CTNND2: variants seen among roughly 807,000 people sequenced by gnomAD.
CTNND2 encodes the protein catenin delta-2.
In CTNND2, 22 loss-of-function variants were observed where a neutral mutation model predicts 144.4. The observed-to-expected ratio is 0.15, with a 90% confidence interval of 0.11 to 0.22. The LOEUF (loss-of-function observed/expected upper bound fraction) is 0.22. Ranked by LOEUF, CTNND2 falls within the 10% of genes least tolerant of loss-of-function variation. The probability of loss-of-function intolerance (pLI) is 1.00; values close to 1 mark genes in which losing one functional copy is unlikely to be tolerated. For synonymous variants in CTNND2, 751 were observed against 695.6 expected (o/e 1.08, Z -1.25); for missense variants, 1,353 against 1,618.8 (o/e 0.84, Z 2.82).
chr5:11,792,612 G>A (rs1791194701), intron 1 of CTNND2, among the ~76,000 whole-genome samples: 1 of 152,174 alleles, frequency 6.6e-6, no homozygotes, highest in African/African-American at 2.4e-5. Flanking sequence ...AGCACATCAA[G>A]GCCGATGAAT....
chr5:11,552,977 T>C lies in CTNND2; in HGVS notation c.287+11967A>G, dbSNP rs569673382. Among the ~76,000 whole-genome samples, 27 of 152,352 alleles carry C rather than the reference T, an allele frequency of 1.8e-4. 1 individual carries two copies. In the South Asian group the frequency reaches 5.4e-3, roughly 30 times the overall value. The stretch of plus-strand genomic sequence containing the variant: ...TGGATATGATGGAGACACAAATGCC[T>C]TTCTACTCCTCGTCATATTTATACA... On this transcript the variant is annotated intron_variant, in intron 3 of 21. Coordinates refer to ENST00000304623, the MANE Select transcript of CTNND2 (RefSeq NM_001332.4).
At chr5:11,839,168 A>G (rs1312097116) in intron 1 of CTNND2, among the ~76,000 whole-genome samples, 1 of 151,996 alleles carries the variant, frequency 6.6e-6, no homozygotes, top group Non-Finnish European at 1.5e-5. Context: ...AGTGGTACAG[A>G]TGGACATTTG....
intron 3 of CTNND2, among the ~76,000 whole-genome samples, chr5:11,561,154 C>T (rs889553463): frequency 2.6e-5 from 4 of 152,106 alleles, no homozygotes; most frequent in Non-Finnish European, 5.9e-5. Context: ...TTAGGGCTGG[C>T]TACTACCAAG....
chr5:11,208,747 T>C (rs1341995183), intron 10 of CTNND2, among the ~76,000 whole-genome samples: 1 of 152,192 alleles, frequency 6.6e-6, no homozygotes. Flanking sequence ...CTAAGGTTGA[T>C]ACAAAAGCCA....
rs528561350 is a variant in CTNND2 at position 11,641,651 on chromosome 5, C to T, written c.175-76595G>A. On this transcript the variant is annotated intron_variant, in intron 2 of 21. Transcript: ENST00000304623. ...ATATACGTGTGTGTATATACATATA[C>T]GTGTGTATATACATATACGTGTGTA... 6.8e-4 allele frequency among the ~76,000 whole-genome samples: 79 copies of T among 117,004 alleles called. 2 individuals carry two copies. The highest frequency in any genetic ancestry group is 2.6e-3 in the African/African-American group (67 of 25,692). The allele number at this position is 117,004 out of a possible 152,430, so 76.8% of individuals were successfully genotyped here. A position where few individuals can be genotyped will look rare whatever the true frequency, so the allele number is the denominator to read the frequency against.
At chr5:11,107,055 A>G (rs1256495113) in intron 14 of CTNND2, among the ~76,000 whole-genome samples, 1 of 152,212 alleles carries the variant, frequency 6.6e-6, no homozygotes, top group African/African-American at 2.4e-5. Context: ...CAGTGGAAAT[A>G]CACTTACTAA....
At chr5:11,857,635 G>T (rs1441609316) in intron 1 of CTNND2, among the ~76,000 whole-genome samples, 1 of 152,122 alleles carries the variant, frequency 6.6e-6, no homozygotes, top group African/African-American at 2.4e-5. Flanking sequence ...AAGCAGAAGA[G>T]CTGATATATA....
chr5:11,878,870 G>A (rs1735764665), intron 1 of CTNND2, among the ~76,000 whole-genome samples: 1 of 152,188 alleles, frequency 6.6e-6, no homozygotes, highest in Non-Finnish European at 1.5e-5. Flanking sequence ...AAGGGAGATG[G>A]GGCCTCATGG....
chr5:11,093,360 G>A (rs1435236834), intron 15 of CTNND2, among the ~76,000 whole-genome samples: 1 of 148,544 alleles, frequency 6.7e-6, no homozygotes, highest in East Asian at 1.9e-4. Context: ...TTAATAGTCT[G>A]CAACAAACAA....
intron 2 of CTNND2, among the ~76,000 whole-genome samples, chr5:11,662,657 T>C (rs1783337524): frequency 6.6e-6 from 1 of 152,108 alleles, no homozygotes; most frequent in African/African-American, 2.4e-5. Context: ...ATACCTTACA[T>C]CCTTCGATCC....
At chr5:11,461,544 G>C (rs147150258) in intron 3 of CTNND2, among the ~76,000 whole-genome samples, 1 of 152,074 alleles carries the variant, frequency 6.6e-6, no homozygotes. Context: ...GTGGTCTAAC[G>C]CCAGAGACCC....
At position 11,154,704 on chromosome 5, in the gene CTNND2, G is replaced by C. The variant is rs190237466; in HGVS notation, c.2159+4872C>G. Among the ~76,000 whole-genome samples the C allele has an allele frequency of 2.9e-3, 442 of 152,274 alleles. 2 individuals are homozygous for C. Among genetic ancestry groups the C allele is most frequent in the Non-Finnish European group, 3.7e-3 (252 of 68,008 alleles). ...ACAAACTGGGTGGCTTAAAACAACC[G>C]AAACTTATTATCTCACGTTCTGGAC... On this transcript the variant is annotated intron_variant, in intron 12 of 21. Transcript: ENST00000304623.
At chr5:11,626,553 T>C (rs892287028) in intron 2 of CTNND2, among the ~76,000 whole-genome samples, 12 of 152,150 alleles carry the variant, frequency 7.9e-5, no homozygotes, top group Admixed American at 6.5e-5. Context: ...ACTTAAGTTG[T>C]TAAGTGGTTG....
intron 3 of CTNND2, among the ~76,000 whole-genome samples, chr5:11,527,718 T>C (rs927755495): frequency 2.0e-5 from 3 of 152,210 alleles, no homozygotes; most frequent in Admixed American, 1.3e-4. Context: ...ATATTTAATA[T>C]TTCATATAAA....
At chr5:11,648,172 C>CTTTTT (rs5865960) in intron 2 of CTNND2, among the ~76,000 whole-genome samples, 2 of 132,452 alleles carry the variant, frequency 1.5e-5, no homozygotes. Flanking sequence ...AGAACAGTGA[C>CTTTTT]TTTTTTTTTT....
chr5:11,612,110 A>T (rs1372131608), intron 2 of CTNND2, among the ~76,000 whole-genome samples: 1 of 152,224 alleles, frequency 6.6e-6, no homozygotes, highest in Non-Finnish European at 1.5e-5. Context: ...ATAGCACCTT[A>T]AAACTAACAA....
chr5:11,133,360 T>C (rs552394636), intron 12 of CTNND2, among the ~76,000 whole-genome samples: 1 of 152,306 alleles, frequency 6.6e-6, no homozygotes, highest in East Asian at 1.9e-4. Flanking sequence ...TTTTTCTTTT[T>C]CTTTTTTTTG....
chr5:11,609,941 C>A (rs1020407130), intron 2 of CTNND2, among the ~76,000 whole-genome samples: 1 of 152,214 alleles, frequency 6.6e-6, no homozygotes, highest in Non-Finnish European at 1.5e-5. Context: ...AATCTTTTAA[C>A]TTACACAATG....
chr5:11,325,715 A>G (rs1752458193), intron 9 of CTNND2, among the ~76,000 whole-genome samples: 1 of 151,904 alleles, frequency 6.6e-6, no homozygotes, highest in Non-Finnish European at 1.5e-5. Flanking sequence ...CTAGCTAACC[A>G]CCATTAGGCT....
Sources: gnomAD v4.1 joint callset for allele counts (sites outside exome capture counted in the v4.1 genomes callset) on GRCh38, gnomAD v4.1.1 for gene constraint, MANE v1.5 for transcripts, NCBI Gene and HGNC (gene_info 2026-07-23, HGNC 2026-07-21) for gene names.